The following ADGRB3 variants were observed in gnomAD, a reference collection of about 807,000 sequenced individuals.
The protein encoded by ADGRB3 is brain-specific angiogenesis inhibitor 3.
In ADGRB3, 37 loss-of-function variants were observed where a neutral mutation model predicts 193.4. The ratio of observed to expected loss-of-function variants is 0.19; its 90% CI spans 0.15 to 0.25. ADGRB3 has a LOEUF of 0.25. Ranked by LOEUF, ADGRB3 falls within the 10% of genes least tolerant of loss-of-function variation. The pLI is 1.00. For synonymous variants in ADGRB3, 690 were observed against 644.2 expected, an observed-to-expected ratio of 1.07 and a Z score of -1.08; for missense variants, 1,637 against 1,852.9, an observed-to-expected ratio of 0.88 and a Z score of 2.14.
chr6:69,221,637 C>T (rs910123937), intron 17 of ADGRB3, among the ~76,000 whole-genome samples: 18 of 152,078 alleles, frequency 1.2e-4, no homozygotes, highest in African/African-American at 4.3e-4. Flanking sequence ...TTCATATTTC[C>T]CCAAAGCCAG....
chr6:69,171,329 G>A (rs182347248), intron 17 of ADGRB3, among the ~76,000 whole-genome samples: 107 of 152,252 alleles, frequency 7.0e-4, no homozygotes, highest in African/African-American at 2.4e-3. Context: ...AGAAAATTAG[G>A]AGATGGCTCT....
At chr6:69,093,051 GT>G (rs1772761773) in intron 17 of ADGRB3, among the ~76,000 whole-genome samples, 2 of 151,840 alleles carry the variant, frequency 1.3e-5, no homozygotes, top group South Asian at 2.1e-4. Flanking sequence ...TGGAGGAGGG[GT>G]GGGCAGCCTA....
chr6:68,989,795 AT>A (rs1483290514), intron 10 of ADGRB3, among the ~76,000 whole-genome samples: 1 of 152,172 alleles, frequency 6.6e-6, no homozygotes, highest in Non-Finnish European at 1.5e-5. Context: ...GTAACTGGAA[AT>A]TTTAATTTAA....
intron 11 of ADGRB3, among the ~76,000 whole-genome samples, chr6:68,995,205 A>T (rs1769350766): frequency 1.3e-5 from 2 of 152,322 alleles, no homozygotes; most frequent in African/African-American, 4.8e-5. Flanking sequence ...CCTAAGTTTT[A>T]AATGTTAATA....
At chr6:68,941,922 T>TTATA (rs144561594) in intron 5 of ADGRB3, among the ~76,000 whole-genome samples, 173 of 148,160 alleles carry the variant, frequency 1.2e-3, no homozygotes, top group African/African-American at 3.9e-3. Context: ...AGACTTACTT[T>TTATA]TATATATATA....
intron 3 of ADGRB3, among the ~76,000 whole-genome samples, chr6:68,872,565 A>G (rs1765490251): frequency 6.6e-6 from 1 of 152,146 alleles, no homozygotes; most frequent in Non-Finnish European, 1.5e-5. Flanking sequence ...TAAATTCTCC[A>G]GATGAGAGTT....
intron 17 of ADGRB3, among the ~76,000 whole-genome samples, chr6:69,093,673 G>C (rs187787527): frequency 6.6e-6 from 1 of 151,100 alleles, no homozygotes; most frequent in Admixed American, 6.6e-5. Flanking sequence ...GCCTGGGTTC[G>C]GGGGGATATA....
intron 17 of ADGRB3, among the ~76,000 whole-genome samples, chr6:69,135,212 A>T (rs1255972036): frequency 6.6e-6 from 1 of 151,990 alleles, no homozygotes; most frequent in African/African-American, 2.4e-5. Context: ...ATTGTCCATT[A>T]TAGACTTCTT....
chr6:69,136,206 A>G (rs1774144903), intron 17 of ADGRB3, among the ~76,000 whole-genome samples: 1 of 152,094 alleles, frequency 6.6e-6, no homozygotes, highest in African/African-American at 2.4e-5. Flanking sequence ...GATGCAAACT[A>G]TAGTAGCCAT....
chr6:68,894,741 G>A (rs905791242), intron 3 of ADGRB3, among the ~76,000 whole-genome samples: 3 of 151,882 alleles, frequency 2.0e-5, no homozygotes, highest in Non-Finnish European at 4.4e-5. Flanking sequence ...ATTTAAATGA[G>A]TCTAAGGAAC....
chr6:69,069,924 A>G (rs1772029225), intron 16 of ADGRB3, among the ~76,000 whole-genome samples: 2 of 151,908 alleles, frequency 1.3e-5, no homozygotes, highest in African/African-American at 2.4e-5. Flanking sequence ...AGCAAAATCC[A>G]GGTCATTTTA....
intron 31 of ADGRB3, among the ~76,000 whole-genome samples, chr6:69,383,936 A>T (rs1770006593): frequency 6.6e-6 from 1 of 151,972 alleles, no homozygotes; most frequent in Non-Finnish European, 1.5e-5. Context: ...GTTCTAAAGT[A>T]GATGACGTTT....
chr6:69,128,767 T>C (rs917736008), intron 17 of ADGRB3, among the ~76,000 whole-genome samples: 2 of 152,176 alleles, frequency 1.3e-5, no homozygotes, highest in African/African-American at 4.8e-5. Flanking sequence ...ACTTGGTTAT[T>C]CCAGTCTAGG....
At chr6:68,965,255 C>A (rs1768345017) in intron 8 of ADGRB3, among the ~76,000 whole-genome samples, 2 of 152,088 alleles carry the variant, frequency 1.3e-5, no homozygotes, top group Admixed American at 1.3e-4. Flanking sequence ...TCCCACAGAC[C>A]TTAGCAGCAG....
chr6:69,256,205 T>C (rs1174334125), intron 20 of ADGRB3, among the ~76,000 whole-genome samples: 2 of 151,596 alleles, frequency 1.3e-5, no homozygotes, highest in East Asian at 1.9e-4. Context: ...TGGTTCCATA[T>C]GAACTTTAAA....
At chr6:68,941,922 TTA>T (rs144561594) in intron 5 of ADGRB3, among the ~76,000 whole-genome samples, 27 of 148,030 alleles carry the variant, frequency 1.8e-4, no homozygotes, top group South Asian at 6.3e-4. Flanking sequence ...AGACTTACTT[TTA>T]TATATATATA....
At chr6:69,325,125 T>A (rs1192939619) in intron 21 of ADGRB3, 103 bp downstream of exon 21, 2 of 1,392,638 alleles carry the variant, frequency 1.4e-6, no homozygotes, top group Non-Finnish European at 1.9e-6. Flanking sequence ...TTGTGTCTAA[T>A]TTAATCTATG....
intron 3 of ADGRB3, among the ~76,000 whole-genome samples, chr6:68,901,079 T>A (rs1766381935): frequency 6.6e-6 from 1 of 152,138 alleles, no homozygotes; most frequent in Non-Finnish European, 1.5e-5. Flanking sequence ...AATAACAAAT[T>A]ACCTCAAATT....
At chr6:68,677,717 C>T (rs1769131096) in intron 3 of ADGRB3, among the ~76,000 whole-genome samples, 1 of 151,756 alleles carries the variant, frequency 6.6e-6, no homozygotes, top group Admixed American at 6.6e-5. Flanking sequence ...AGGAGTTTCA[C>T]CATGTTGGTC....
Sources: gnomAD v4.1 joint callset for allele counts (sites outside exome capture counted in the v4.1 genomes callset) on GRCh38, gnomAD v4.1.1 for gene constraint, MANE v1.5 for transcripts, NCBI Gene and HGNC (gene_info 2026-07-23, HGNC 2026-07-21) for gene names.